Variants in ADGRB3 observed in about 807,000 individuals in gnomAD.
ADGRB3 encodes the protein brain-specific angiogenesis inhibitor 3.
A neutral mutation model predicts 193.4 loss-of-function variants in ADGRB3; 37 were observed. That is an observed-to-expected ratio of 0.19 (90% confidence interval 0.15 to 0.25). ADGRB3 has a LOEUF of 0.25. Ranked by LOEUF, ADGRB3 falls within the 10% of genes least tolerant of loss-of-function variation. The pLI, the probability that ADGRB3 is intolerant of heterozygous loss-of-function variation, is 1.00. For missense variants in ADGRB3, 1,637 were observed against 1,852.9 expected (o/e 0.88, Z 2.14); for synonymous variants, 690 against 644.2 (o/e 1.07, Z -1.08).
intron 3 of ADGRB3, among the ~76,000 whole-genome samples, chr6:68,703,623 T>TTTTG (rs935693749): frequency 6.6e-6 from 1 of 152,136 alleles, no homozygotes; most frequent in Non-Finnish European, 1.5e-5. Flanking sequence ...TTAAGATTTT[T>TTTTG]TTTGTTTGTT....
chr6:69,043,914 G>A (rs1371574399), intron 13 of ADGRB3, among the ~76,000 whole-genome samples: 1 of 152,038 alleles, frequency 6.6e-6, no homozygotes, highest in East Asian at 1.9e-4. Context: ...GGTGGCGGGC[G>A]CCTGTAGTCC....
intron 10 of ADGRB3, among the ~76,000 whole-genome samples, chr6:68,986,800 A>G (rs1214146038): frequency 1.3e-5 from 2 of 152,176 alleles, no homozygotes; most frequent in East Asian, 3.8e-4. Context: ...AATAATATAT[A>G]AATATGTGAT....
chr6:69,281,662 TAG>T (rs1767439272), intron 20 of ADGRB3, among the ~76,000 whole-genome samples: 1 of 152,162 alleles, frequency 6.6e-6, no homozygotes. Flanking sequence ...TGCTCTGGAT[TAG>T]AGCACAGTCC....
At chr6:69,299,110 A>G (rs918711177) in intron 20 of ADGRB3, among the ~76,000 whole-genome samples, 1 of 151,912 alleles carries the variant, frequency 6.6e-6, no homozygotes, top group Admixed American at 6.6e-5. Flanking sequence ...TGTAGTTTTG[A>G]TATGTGTTTC....
chr6:69,257,346 G>T (rs1705432539), intron 20 of ADGRB3, among the ~76,000 whole-genome samples: 1 of 152,060 alleles, frequency 6.6e-6, no homozygotes, highest in Non-Finnish European at 1.5e-5. Flanking sequence ...ACTCTTTTTG[G>T]TTGGTAAGCT....
chr6:68,707,643 T>C (rs887545467), intron 3 of ADGRB3, among the ~76,000 whole-genome samples: 38 of 152,204 alleles, frequency 2.5e-4, no homozygotes, highest in African/African-American at 9.2e-4. Context: ...TGAGAAATAA[T>C]CTTTGTTCTT....
chr6:69,332,400 T>C, intron 23 of ADGRB3: 4 of 985,394 alleles, frequency 4.1e-6, no homozygotes, highest in Non-Finnish European at 4.8e-6. Flanking sequence ...AAAAGCATGG[T>C]ACATCAAAAT....
At chr6:69,219,713 G>T (rs939949604) in intron 17 of ADGRB3, among the ~76,000 whole-genome samples, 3 of 151,486 alleles carry the variant, frequency 2.0e-5, no homozygotes, top group Admixed American at 1.3e-4. Context: ...TAAAGTAGTG[G>T]TTGAACTACT....
chr6:68,752,063 T>C (rs1766209805), intron 3 of ADGRB3, among the ~76,000 whole-genome samples: 1 of 152,178 alleles, frequency 6.6e-6, no homozygotes, highest in Non-Finnish European at 1.5e-5. Flanking sequence ...AAAAGCTTTT[T>C]AGCTTTTTGG....
At chr6:68,881,743 G>A (rs1765740593) in intron 3 of ADGRB3, among the ~76,000 whole-genome samples, 2 of 152,098 alleles carry the variant, frequency 1.3e-5, no homozygotes, top group Non-Finnish European at 2.9e-5. Flanking sequence ...TCTTTCAATG[G>A]CTAGCTTTTA....
At chr6:69,129,522 A>G (rs1054157288) in intron 17 of ADGRB3, among the ~76,000 whole-genome samples, 1 of 152,202 alleles carries the variant, frequency 6.6e-6, no homozygotes, top group African/African-American at 2.4e-5. Context: ...GGTGTTACAT[A>G]GAAAAGTCAT....
At chr6:69,006,509 T>C (rs1423133941) in intron 11 of ADGRB3, among the ~76,000 whole-genome samples, 1 of 151,866 alleles carries the variant, frequency 6.6e-6, no homozygotes. Flanking sequence ...GTCTTTTTTT[T>C]TTTCTTTTTT....
Position 68,720,366 on chromosome 6 carries a change from A to G in ADGRB3, c.757+80934A>G, listed in dbSNP as rs541959387. Among the ~76,000 whole-genome samples, 9 of 151,828 alleles carry G rather than the reference A, an allele frequency of 5.9e-5. No individual in the cohort carries two copies. In the East Asian group the frequency reaches 1.4e-3, roughly 23 times the overall value. ...GATCTGCAAGAACACCCCTCAGGCT[A>G]TGCATTTCTTTTTCATAATTGTATT... is the stretch of plus-strand genomic sequence containing the variant. On this transcript the variant is annotated intron_variant, in intron 3 of 31. Coordinates refer to ENST00000370598, the MANE Select transcript of ADGRB3 (RefSeq NM_001704.3).
In ADGRB3 at chr6:69,361,374, C is replaced by T. The variant is rs759098290; in HGVS notation, c.4101C>T (p.Leu1367=). 19 of 1,612,984 alleles carry T rather than the reference C, an allele frequency of 1.2e-5. No homozygotes were observed. Among genetic ancestry groups the T allele is most frequent in the Middle Eastern group, 1.7e-4 (1 of 6,054 alleles). Reference sequence around the variant, plus strand: ...TCAATATGAACTTAGAGCAACATCTCGCACCCCAGGAACATATGCAGAATT... The same window carrying T: ...TCAATATGAACTTAGAGCAACATCTTGCACCCCAGGAACATATGCAGAATT... ...DQFNMNLEQH[L]APQEHMQNLP... Residue 1367 remains leucine (L), a synonymous_variant, in exon 29 of 32, where the codon CTC becomes CTT. Transcript: ENST00000370598.
chr6:68,968,947 A>G (rs1215226528), intron 8 of ADGRB3, among the ~76,000 whole-genome samples: 1 of 152,302 alleles, frequency 6.6e-6, no homozygotes, highest in South Asian at 2.1e-4. Flanking sequence ...ACATTTTCCT[A>G]GCACCTACCA....
At chr6:68,981,471 G>A (rs1487880464) in intron 10 of ADGRB3, among the ~76,000 whole-genome samples, 3 of 151,668 alleles carry the variant, frequency 2.0e-5, no homozygotes, top group African/African-American at 7.2e-5. Context: ...TATTTCAGAA[G>A]TTCCTAATGA....
At chr6:69,381,724 AC>A (rs2127238050) in intron 30 of ADGRB3, among the ~76,000 whole-genome samples, 1 of 152,014 alleles carries the variant, frequency 6.6e-6, no homozygotes, top group South Asian at 2.1e-4. Flanking sequence ...ACAAATCCTT[AC>A]TTTTGAAAAT....
chr6:68,948,997 T>G (rs905937529), intron 6 of ADGRB3, among the ~76,000 whole-genome samples: 1 of 152,046 alleles, frequency 6.6e-6, no homozygotes, highest in African/African-American at 2.4e-5. Flanking sequence ...TGAAATGGAG[T>G]CAGTATTAAT....
At chr6:69,328,464 T>C (rs1217743661) in intron 22 of ADGRB3, among the ~76,000 whole-genome samples, 1 of 152,228 alleles carries the variant, frequency 6.6e-6, no homozygotes, top group Non-Finnish European at 1.5e-5. Flanking sequence ...AGAGAATTTG[T>C]GTTTGAATTT....
Sources: gnomAD v4.1 joint callset for allele counts (sites outside exome capture counted in the v4.1 genomes callset) on GRCh38, gnomAD v4.1.1 for gene constraint, MANE v1.5 for transcripts, NCBI Gene and HGNC (gene_info 2026-07-23, HGNC 2026-07-21) for gene names.